Variants in WFDC1 observed in about 807,000 individuals in gnomAD.
WFDC1 encodes WAP four-disulfide core domain protein 1.
Under a neutral mutation model 32.9 loss-of-function variants are expected in WFDC1, and 39 were observed. The observed-to-expected ratio is 1.19, with a 90% confidence interval of 0.92 to 1.55. The LOEUF is 1.55. Ranked by LOEUF, WFDC1 falls within the 40% of genes most tolerant of loss-of-function variation. The pLI, the probability that WFDC1 is intolerant of heterozygous loss-of-function variation, is 0.00. For missense variants in WFDC1, 386 were observed against 309.5 expected, an observed-to-expected ratio of 1.25 and a Z score of -1.85; for synonymous variants, 184 against 137.4, an observed-to-expected ratio of 1.34 and a Z score of -2.37.
Position 84,326,521 on chromosome 16 carries a change from G to T in WFDC1, c.605-361G>T, listed in dbSNP as rs374717945. The T allele has an allele frequency of 1.8e-4, 41 of 227,928 alleles. No individual in the cohort carries two copies. The East Asian group carries it at 2.8e-3, about 15-fold the overall frequency. 14.1% of individuals were successfully genotyped at this position (227,928 alleles called of 1,614,324 possible). On this transcript the variant is annotated intron_variant, in intron 5 of 6. Coordinates refer to ENST00000219454, the MANE Select transcript of WFDC1 (RefSeq NM_021197.4). Reference sequence around the variant, plus strand: ...CACCTTAGTCCAGGTTGTGAGAAAAGGCTTCCTAAGGAGGAGACATGAAAG... The same window carrying T: ...CACCTTAGTCCAGGTTGTGAGAAAATGCTTCCTAAGGAGGAGACATGAAAG...
intron 1 of WFDC1, among the ~76,000 whole-genome samples, chr16:84,306,875 A>G (rs1907294663): frequency 6.6e-6 from 1 of 152,210 alleles, no homozygotes; most frequent in Admixed American, 6.5e-5. Context: ...ACAGGTAAGA[A>G]CAAAACCAAG....
At chr16:84,324,283 G>T in intron 4 of WFDC1, 136 bp from the exon 5 acceptor site, 1 of 725,236 alleles carries the variant, frequency 1.4e-6, no homozygotes. Context: ...TGCTCATGTA[G>T]CCTCTGAACA....
rs1169692366 is a variant in WFDC1 at position 84,319,515 on chromosome 16, A to C, written c.506A>C (p.Asp169Ala). 6.2e-7 allele frequency: 1 copy of C among 1,612,980 alleles called. No individual in the cohort carries two copies. Among genetic ancestry groups the C allele is most frequent in the South Asian group, 1.1e-5 (1 of 91,080 alleles). Residue 169 changes from aspartate (D) to alanine (A), a missense_variant, in exon 4 of 7, where the codon GAC (aspartate) becomes GCC (alanine). Physicochemically the swap from Asp to Ala is moderately radical, Grantham distance 126. Transcript: ENST00000219454. ...GYECHILSPG[D>A]VAEGIPNRGQ... ...GAGTGCCACATCCTGAGCCCAGGTG[A>C]CGTGGCCGAAGGTATCCCCAACCGT...
chr16:84,295,111 C>T lies in WFDC1; in HGVS notation c.140C>T (p.Ser47Phe). ...RALPARLAEK[S>F]RAEEAGAPGG... ...TTGCCTGCGAGGCTGGCCGAGAAAT[C>T]CCGTGTAAGTGCCTGGGATGGGGAG... The change falls in exon 1 of 7, where the codon TCC becomes TTC. Residue 47 changes from serine (S) to phenylalanine (F), a missense_variant. By Grantham distance (155) the Ser-to-Phe change is radical. Coordinates refer to ENST00000219454, the MANE Select transcript of WFDC1 (RefSeq NM_021197.4). The T allele has an allele frequency of 6.2e-7, 1 of 1,613,712 alleles. No individual in the cohort carries two copies. The highest frequency in any genetic ancestry group is 8.5e-7 in the Non-Finnish European group (1 of 1,179,768).
At chr16:84,299,194 G>A (rs1906785948) in intron 1 of WFDC1, among the ~76,000 whole-genome samples, 1 of 151,464 alleles carries the variant, frequency 6.6e-6, no homozygotes, top group Non-Finnish European at 1.5e-5. Context: ...AACCCCGTCT[G>A]TACTAAAAAT....
chr16:84,320,581 G>T (rs974184822), intron 4 of WFDC1, among the ~76,000 whole-genome samples: 1 of 152,174 alleles, frequency 6.6e-6, no homozygotes, highest in Admixed American at 6.5e-5. Flanking sequence ...AAACCATCTC[G>T]AACCCCACTC....
At chr16:84,300,259 G>A (rs1281501429) in intron 1 of WFDC1, among the ~76,000 whole-genome samples, 1 of 152,252 alleles carries the variant, frequency 6.6e-6, no homozygotes, top group Non-Finnish European at 1.5e-5. Flanking sequence ...ACCTGTAGGA[G>A]CAAATGGAGC....
At chr16:84,307,523 C>T (rs776411252) in intron 1 of WFDC1, among the ~76,000 whole-genome samples, 2 of 152,104 alleles carry the variant, frequency 1.3e-5, no homozygotes, top group African/African-American at 2.4e-5. Context: ...TCCTCTGAGA[C>T]GGCGGCACAG....
chr16:84,318,606 G>A, intron 3 of WFDC1: 1 of 420,758 alleles, frequency 2.4e-6, no homozygotes, highest in Non-Finnish European at 4.4e-6. Flanking sequence ...CCTGGATGGA[G>A]AATTGAAGGG....
At chr16:84,298,325 G>C (rs1001512197) in intron 1 of WFDC1, among the ~76,000 whole-genome samples, 40 of 151,930 alleles carry the variant, frequency 2.6e-4, no homozygotes, top group East Asian at 7.7e-4. Context: ...AAACTCCTGA[G>C]CTCAGGTGAT....
chr16:84,307,455 C>T (rs1423466959), intron 1 of WFDC1, among the ~76,000 whole-genome samples: 1 of 152,172 alleles, frequency 6.6e-6, no homozygotes, highest in Admixed American at 6.5e-5. Context: ...GGAGATGTGG[C>T]TTCTAAGGCG....
intron 1 of WFDC1, among the ~76,000 whole-genome samples, chr16:84,309,458 C>T (rs1184676082): frequency 6.6e-6 from 1 of 151,790 alleles, no homozygotes; most frequent in African/African-American, 2.4e-5. Context: ...GCATCGAGGC[C>T]AGGGACGAGG....
At chr16:84,308,932 G>A (rs563845471) in intron 1 of WFDC1, among the ~76,000 whole-genome samples, 226 of 152,120 alleles carry the variant, frequency 1.5e-3, no homozygotes, top group African/African-American at 5.3e-3. Flanking sequence ...TGCCATCCTG[G>A]GTGTAGACAC....
rs1306379817 is a variant in WFDC1 at position 84,308,850 on chromosome 16, TGCCAGCCTGGGTGTAGAC to T, written c.145-4099_145-4082del. On this transcript the variant is annotated intron_variant, in intron 1 of 6. Coordinates refer to ENST00000219454, the MANE Select transcript of WFDC1 (RefSeq NM_021197.4). ...GTGTAGATGCCAGCCTGGGTGTAGA[TGCCAGCCTGGGTGTAGAC>T]GCCAGCCTGGGCATAGATGCCATCC... Among the ~76,000 whole-genome samples, 17 of 126,776 alleles carry T rather than the reference TGCCAGCCTGGGTGTAGAC, an allele frequency of 1.3e-4. No individual in the cohort carries two copies. In the East Asian group the frequency reaches 3.1e-3, roughly 23 times the overall value. The allele number at this position is 126,776 out of a possible 152,430, so 83.2% of individuals were successfully genotyped here.
chr16:84,324,305 C>T (rs1908462051), intron 4 of WFDC1, 114 bp from the exon 5 acceptor site: 1 of 903,212 alleles, frequency 1.1e-6, no homozygotes, highest in Non-Finnish European at 1.8e-6. Flanking sequence ...TTCCATTGTA[C>T]ACTAGTGAGA....
intron 4 of WFDC1, among the ~76,000 whole-genome samples, chr16:84,320,857 G>T: frequency 9.2e-6 from 1 of 109,098 alleles, no homozygotes. Flanking sequence ...TGCATGATCT[G>T]CCAAAACCTC....
At chr16:84,299,574 G>A (rs780202134) in intron 1 of WFDC1, among the ~76,000 whole-genome samples, 2 of 152,194 alleles carry the variant, frequency 1.3e-5, no homozygotes, top group African/African-American at 2.4e-5. Context: ...TTTACTGAGC[G>A]CTTACACTGT....
chr16:84,321,900 T>G (rs949267329), intron 4 of WFDC1, among the ~76,000 whole-genome samples: 8 of 152,170 alleles, frequency 5.3e-5, no homozygotes, highest in African/African-American at 1.7e-4. Context: ...CTCAGTTCCT[T>G]GATCTGTAAA....
chr16:84,322,551 C>G (rs189890067), intron 4 of WFDC1, among the ~76,000 whole-genome samples: 271 of 152,306 alleles, frequency 1.8e-3, no homozygotes, highest in African/African-American at 5.8e-3. Context: ...CCTTTATGCT[C>G]TCTCCCCACT....
Sources: allele counts gnomAD v4.1 joint callset (sites outside exome capture counted in the v4.1 genomes callset), GRCh38; gene constraint gnomAD v4.1.1; transcripts MANE v1.5; gene names NCBI Gene and HGNC (gene_info 2026-07-23, HGNC 2026-07-21).